ARMC10: variants seen among roughly 807,000 people sequenced by gnomAD.
The protein encoded by ARMC10 is armadillo repeat-containing protein 10.
In ARMC10, 23 loss-of-function variants were observed where a neutral mutation model predicts 30.2. The ratio of observed to expected loss-of-function variants is 0.76; its 90% CI spans 0.55 to 1.08. ARMC10 has a LOEUF of 1.08. Ranked by LOEUF, ARMC10 falls within the 50% of genes least tolerant of loss-of-function variation. The pLI is 0.00. For missense variants in ARMC10, 303 were observed against 413.7 expected (o/e 0.73, Z 2.32); for synonymous variants, 111 against 164.4 (o/e 0.68, Z 2.48).
chr7:103,075,884 GT>G lies in ARMC10; in HGVS notation c.244+4del. 6.3e-7 allele frequency: 1 copy of G among 1,587,086 alleles called. No individual in the cohort carries two copies. Among genetic ancestry groups the G allele is most frequent in the South Asian group, 1.1e-5 (1 of 87,456 alleles). ...GTGGTCCAAGACCTCGCAGCCTGGT[GT>G]GTGTTTTGGAAATGGGAACAGTTGT... is the stretch of plus-strand genomic sequence containing the variant. On this transcript the variant is annotated splice_donor_region_variant and intron_variant, in intron 2 of 6. Transcript: ENST00000323716.
intron 1 of ARMC10, 107 bp from the exon 2 acceptor site, chr7:103,075,670 C>G: frequency 1.1e-6 from 1 of 930,478 alleles, no homozygotes; most frequent in Non-Finnish European, 1.5e-6. Flanking sequence ...TGTTGATGGC[C>G]TCTCATTTTA....
In ARMC10 at chr7:103,075,848, T is replaced by G; in HGVS notation, c.211T>G (p.Trp71Gly). The G allele has an allele frequency of 6.2e-7, 1 of 1,611,078 alleles. No homozygotes were observed. The highest frequency in any genetic ancestry group is 1.1e-5 in the South Asian group (1 of 90,314). Residue 71 changes from tryptophan to glycine, a missense_variant, in exon 2 of 7, where the codon TGG (tryptophan) becomes GGG (glycine). Trp to Gly is a radical substitution (Grantham distance 184, BLOSUM62 -2). Coordinates refer to ENST00000323716, the MANE Select transcript of ARMC10 (RefSeq NM_031905.5). ...RSARPQTGGT[W>G]ESQWSKTSQP... Reference sequence around the variant, plus strand: ...GGCCCGGCCTCAGACGGGAGGTACCTGGGAGTCACAGTGGTCCAAGACCTC... The same window carrying G: ...GGCCCGGCCTCAGACGGGAGGTACCGGGGAGTCACAGTGGTCCAAGACCTC...
intron 1 of ARMC10, 92 bp downstream of exon 1, chr7:103,075,503 T>C (rs946217349): frequency 1.4e-5 from 17 of 1,200,090 alleles, no homozygotes; most frequent in Non-Finnish European, 1.8e-5. Flanking sequence ...CGGGGTAAAA[T>C]GAGGAGCCGA....
At chr7:103,088,272 T>C (rs998264727) in intron 4 of ARMC10, among the ~76,000 whole-genome samples, 2 of 152,192 alleles carry the variant, frequency 1.3e-5, no homozygotes, top group Non-Finnish European at 2.9e-5. Context: ...AATACAGTTA[T>C]GGCTAATCAG....
At chr7:103,086,800 T>A in intron 4 of ARMC10, 36 bp downstream of exon 4, 1 of 1,585,492 alleles carries the variant, frequency 6.3e-7, no homozygotes, top group Middle Eastern at 1.7e-4. Flanking sequence ...TATAAGGTTT[T>A]CTATAAATAA....
At chr7:103,077,003 C>T (rs538231995) in intron 2 of ARMC10, among the ~76,000 whole-genome samples, 1 of 152,230 alleles carries the variant, frequency 6.6e-6, no homozygotes, top group African/African-American at 2.4e-5. Context: ...TCCCTGGGCT[C>T]CTCCCACCTC....
At chr7:103,091,379 GAA>G (rs1412436137) in intron 4 of ARMC10, among the ~76,000 whole-genome samples, 1 of 152,192 alleles carries the variant, frequency 6.6e-6, no homozygotes, top group African/African-American at 2.4e-5. Context: ...TAGAGTTTCA[GAA>G]AAGTTTCCAT....
At chr7:103,082,961 C>T (rs1442340489) in intron 2 of ARMC10, 5 of 419,304 alleles carry the variant, frequency 1.2e-5, no homozygotes, top group African/African-American at 1.0e-4. Flanking sequence ...AAAAATGCCA[C>T]ACTAGCAACA....
chr7:103,080,627 A>T (rs1800299340), intron 2 of ARMC10, among the ~76,000 whole-genome samples: 2 of 142,154 alleles, frequency 1.4e-5, no homozygotes, highest in South Asian at 2.3e-4. Context: ...TTTATTTTTT[A>T]TTTATTCATT....
Position 103,075,899 on chromosome 7 carries a change from G to C in ARMC10, c.244+18G>C. Reference sequence around the variant, plus strand: ...GCAGCCTGGTGTGTGTTTTGGAAATGGGAACAGTTGTCTGCGCGAGACACA... The same window carrying C: ...GCAGCCTGGTGTGTGTTTTGGAAATCGGAACAGTTGTCTGCGCGAGACACA... On this transcript the variant is annotated intron_variant, in intron 2 of 6. Transcript: ENST00000323716. 1.3e-6 allele frequency: 2 copies of C among 1,542,574 alleles called. No homozygotes were observed. The highest frequency in any genetic ancestry group is 1.8e-6 in the Non-Finnish European group (2 of 1,137,526).
At position 103,083,039 on chromosome 7, in the gene ARMC10, C is replaced by G. The variant is rs182310803; in HGVS notation, c.245-643C>G. The G allele has an allele frequency of 7.2e-3, 3,305 of 456,660 alleles. 28 individuals carry two copies. The highest frequency in any genetic ancestry group is 0.011 in the Non-Finnish European group (2,480 of 226,940). 28.3% of individuals were successfully genotyped at this position (456,660 alleles called of 1,614,324 possible). On this transcript the variant is annotated intron_variant, in intron 2 of 6. Transcript: ENST00000323716. ...CAGAAAAGATCTGCTTAATGCAAATCATATTTCCTAATTAATCTCTTTATA... is the reference window on the plus strand; with the variant it reads ...CAGAAAAGATCTGCTTAATGCAAATGATATTTCCTAATTAATCTCTTTATA...
chr7:103,083,862 T>A (rs758952776), intron 3 of ARMC10, 32 bp downstream of exon 3: 1 of 1,608,416 alleles, frequency 6.2e-7, no homozygotes, highest in East Asian at 2.2e-5. Context: ...GCAAGCTCTT[T>A]CCATTCTTAC....
chr7:103,096,837 T>C (rs1405852466), intron 5 of ARMC10: 1 of 177,974 alleles, frequency 5.6e-6, no homozygotes, highest in Non-Finnish European at 1.2e-5. Context: ...TTACCAACTG[T>C]TCAGATGTGC....
chr7:103,090,728 T>TAAAAAAAAAAAAAA (rs34277044), intron 4 of ARMC10, among the ~76,000 whole-genome samples: 17 of 140,920 alleles, frequency 1.2e-4, no homozygotes, highest in African/African-American at 4.7e-4. Context: ...AACCCATTTC[T>TAAAAAAAAAAAAAA]AAAAAAAAAA....
intron 3 of ARMC10, among the ~76,000 whole-genome samples, chr7:103,085,816 T>C (rs896532262): frequency 6.6e-6 from 1 of 152,068 alleles, no homozygotes; most frequent in African/African-American, 2.4e-5. Context: ...GGTTTCACCA[T>C]GTTGGCCAGG....
At chr7:103,089,837 T>A (rs1801158137) in intron 4 of ARMC10, among the ~76,000 whole-genome samples, 1 of 152,232 alleles carries the variant, frequency 6.6e-6, no homozygotes, top group Non-Finnish European at 1.5e-5. Flanking sequence ...TCAATATTTA[T>A]CAAACCTCCT....
At chr7:103,093,719 CCTCTGCCTGA>C (rs1213577306) in intron 5 of ARMC10, among the ~76,000 whole-genome samples, 1 of 152,168 alleles carries the variant, frequency 6.6e-6, no homozygotes, top group Non-Finnish European at 1.5e-5. Flanking sequence ...AGAAATCTCT[CCTCTGCCTGA>C]CTCTGCAGCT....
At chr7:103,081,605 G>C (rs1800390200) in intron 2 of ARMC10, among the ~76,000 whole-genome samples, 1 of 152,132 alleles carries the variant, frequency 6.6e-6, no homozygotes. Context: ...AGACTCCTCA[G>C]TTCAAGTGAT....
intron 5 of ARMC10, chr7:103,096,712 C>A: frequency 6.5e-6 from 1 of 153,438 alleles, no homozygotes; most frequent in South Asian, 2.0e-4. Context: ...CTCAAGAGAT[C>A]CTCCCCCGCT....
Sources: allele counts gnomAD v4.1 joint callset (sites outside exome capture counted in the v4.1 genomes callset), GRCh38; gene constraint gnomAD v4.1.1; transcripts MANE v1.5; gene names NCBI Gene and HGNC (gene_info 2026-07-23, HGNC 2026-07-21).